The following MCF2L variants were observed in gnomAD, a reference collection of about 807,000 sequenced individuals.
MCF2L encodes guanine nucleotide exchange factor DBS.
A neutral mutation model predicts 153.4 loss-of-function variants in MCF2L; 97 were observed. The observed-to-expected ratio is 0.63, with a 90% CI of 0.54 to 0.75. MCF2L has a LOEUF of 0.75. MCF2L is among the 30% of genes least tolerant of loss of function. The pLI is 0.00. For synonymous variants in MCF2L, 659 were observed against 632.2 expected, an observed-to-expected ratio of 1.04 and a Z score of -0.64; for missense variants, 1,347 against 1,495.2, an observed-to-expected ratio of 0.90 and a Z score of 1.64.
chr13:113,062,919 C>T (rs1862299846), intron 5 of MCF2L, among the ~76,000 whole-genome samples: 1 of 152,206 alleles, frequency 6.6e-6, no homozygotes, highest in Non-Finnish European at 1.5e-5. Context: ...CTGCCAGCCA[C>T]TCTCCCCGTC....
intron 3 of MCF2L, chr13:113,044,946 A>G (rs1419826480): frequency 6.3e-7 from 1 of 1,596,544 alleles, no homozygotes; most frequent in African/African-American, 1.3e-5. Context: ...AGGAAAGGAA[A>G]ATGACTCGGC....
At chr13:113,066,011 C>T (rs370164275) in intron 7 of MCF2L, 35 bp from the exon 8 acceptor site, 45 of 1,602,906 alleles carry the variant, frequency 2.8e-5, no homozygotes, top group African/African-American at 1.5e-4. Context: ...TGTGCCTGGA[C>T]GGGGCCGGGA....
intron 22 of MCF2L, 37 bp downstream of exon 22, chr13:113,087,493 C>A: frequency 6.6e-7 from 1 of 1,508,846 alleles, no homozygotes. Flanking sequence ...ACGCTCCTGG[C>A]CACAGACCCC....
chr13:113,056,546 G>A (rs2029873169), intron 4 of MCF2L, among the ~76,000 whole-genome samples: 1 of 144,134 alleles, frequency 6.9e-6, no homozygotes, highest in East Asian at 2.1e-4. Context: ...TGGGTGCTGA[G>A]TGGGCACTGA....
chr13:113,037,197 C>A (rs1264548904), intron 3 of MCF2L, among the ~76,000 whole-genome samples: 1 of 152,218 alleles, frequency 6.6e-6, no homozygotes, highest in Non-Finnish European at 1.5e-5. Context: ...CCTTGGCTTG[C>A]GTCCTAAGCT....
At position 113,084,627 on chromosome 13, in the gene MCF2L, C is replaced by T. The variant is rs530728649; in HGVS notation, c.2062-265C>T. The T allele has an allele frequency of 6.7e-4, 350 of 518,570 alleles. 3 individuals carry two copies. The highest frequency in any genetic ancestry group is 6.3e-3 in the African/African-American group (334 of 52,624). The allele number at this position is 518,570 out of a possible 1,614,324, so 32.1% of individuals were successfully genotyped here. A position where few individuals can be genotyped will look rare whatever the true frequency, so the allele number is the denominator to read the frequency against. On this transcript the variant is annotated intron_variant, in intron 18 of 29. Coordinates refer to ENST00000535094, the MANE Select transcript of MCF2L (RefSeq NM_001112732.3). ...TCTAAGAATGGCTGCGGTGGAACCC[C>T]GTCTCCACTCCACGCCTGTGCTCTG...
intron 2 of MCF2L, among the ~76,000 whole-genome samples, chr13:113,019,316 C>T (rs2084730919): frequency 6.6e-6 from 1 of 152,188 alleles, no homozygotes; most frequent in African/African-American, 2.4e-5. Context: ...GAGGCTCCAG[C>T]CACCAGACCC....
intron 9 of MCF2L, among the ~76,000 whole-genome samples, chr13:113,073,003 T>G (rs1050600184): frequency 6.6e-6 from 1 of 151,482 alleles, no homozygotes; most frequent in African/African-American, 2.4e-5. Flanking sequence ...TTTGATGTAT[T>G]GTATTTTCTT....
intron 26 of MCF2L, chr13:113,090,979 G>C (rs2142089641): frequency 8.1e-7 from 1 of 1,229,044 alleles, no homozygotes; most frequent in South Asian, 1.5e-5. Context: ...TTTGCTCACA[G>C]AAGCTCCTTT....
rs2086780457 is a variant in MCF2L, at chr13:113,045,880, C to G, written c.369+519C>G. On this transcript the variant is annotated intron_variant, in intron 4 of 29. Transcript: ENST00000535094. The surrounding 1 kb of genome is among the most constrained non-coding windows in gnomAD (Gnocchi z 4.2). ...GCTGGAAGTTGGAAGTGGTACTGCA[C>G]AGCTTTCCTATGTGATTTTCTCCTT... The G allele has an allele frequency of 6.2e-6, 1 of 162,586 alleles. No homozygotes were observed. The highest frequency in any genetic ancestry group is 1.3e-5 in the Non-Finnish European group (1 of 74,106). The allele number at this position is 162,586 out of a possible 1,614,324, so 10.1% of individuals were successfully genotyped here. A position where few individuals can be genotyped will look rare whatever the true frequency, so the allele number is the denominator to read the frequency against.
chr13:113,047,892 C>T (rs1244373009), intron 4 of MCF2L, among the ~76,000 whole-genome samples: 2 of 152,220 alleles, frequency 1.3e-5, no homozygotes, highest in Non-Finnish European at 2.9e-5. Flanking sequence ...GCTGATGCCT[C>T]GCTACGCGTG....
intron 12 of MCF2L, 123 bp downstream of exon 12, chr13:113,076,280 TTG>T: frequency 1.3e-6 from 1 of 766,286 alleles, no homozygotes; most frequent in Non-Finnish European, 1.9e-6. Context: ...TATTTTTTTT[TTG>T]AGATGGAATC....
intron 17 of MCF2L, among the ~76,000 whole-genome samples, chr13:113,082,863 C>T (rs1382752558): frequency 2.6e-5 from 4 of 152,200 alleles, no homozygotes; most frequent in Non-Finnish European, 4.4e-5. Flanking sequence ...CTCATCCCCT[C>T]CTCATCCTGC....
chr13:113,014,925 G>A (rs2084411011), intron 2 of MCF2L, 79 bp downstream of exon 2: 2 of 1,334,694 alleles, frequency 1.5e-6, no homozygotes, highest in Non-Finnish European at 2.1e-6. Context: ...CCGTGGCCTG[G>A]CCCAGGCTGG....
At chr13:112,999,416 T>G (rs977634741) in intron 1 of MCF2L, among the ~76,000 whole-genome samples, 1 of 152,200 alleles carries the variant, frequency 6.6e-6, no homozygotes, top group Non-Finnish European at 1.5e-5. Flanking sequence ...GAGGACAGCC[T>G]CTGGCACCGC....
intron 1 of MCF2L, among the ~76,000 whole-genome samples, chr13:112,982,693 G>A (rs956699238): frequency 5.3e-5 from 8 of 152,288 alleles, no homozygotes; most frequent in East Asian, 1.9e-4. Flanking sequence ...GGACCATGCC[G>A]CTTACCCTCA....
intron 2 of MCF2L, among the ~76,000 whole-genome samples, chr13:112,958,764 G>A (rs976983853): frequency 1.3e-5 from 2 of 152,206 alleles, no homozygotes; most frequent in African/African-American, 4.8e-5. Context: ...AGCCCTGCTC[G>A]TGTGTGGGAT....
At chr13:113,085,962 CTCAG>C (rs1475765594) in intron 20 of MCF2L, among the ~76,000 whole-genome samples, 158 bp from the exon 21 acceptor site, 2 of 151,868 alleles carry the variant, frequency 1.3e-5, no homozygotes, top group Non-Finnish European at 2.9e-5. Context: ...TGCAGCACCA[CTCAG>C]TCTGTCCCAG....
In MCF2L at chr13:113,045,807, A is replaced by C; in HGVS notation, c.369+446A>C. 1 of 209,700 alleles carries C rather than the reference A, an allele frequency of 4.8e-6. No individual in the cohort carries two copies. The highest frequency in any genetic ancestry group is 9.9e-6 in the Non-Finnish European group (1 of 101,518). 13.0% of individuals were successfully genotyped at this position (209,700 alleles called of 1,614,324 possible). The stretch of plus-strand genomic sequence containing the variant: ...ATGCACTTCCTCTTACACAAAGCAC[A>C]ACAGTCCTGACCAGGCAGGACGGGG... On this transcript the variant is annotated intron_variant, in intron 4 of 29. Transcript: ENST00000535094. This position sits in a 1 kb window ranked among gnomAD's most constrained non-coding sequence, Gnocchi z 4.2.
Sources: gnomAD v4.1 joint callset for allele counts (sites outside exome capture counted in the v4.1 genomes callset) on GRCh38, gnomAD v4.1.1 for gene constraint, Gnocchi (gnomAD v3.1) non-coding constraint, MANE v1.5 for transcripts, NCBI Gene and HGNC (gene_info 2026-07-23, HGNC 2026-07-21) for gene names.